The following SCN3A variants were observed in gnomAD, a reference collection of about 807,000 sequenced individuals.
SCN3A encodes the protein sodium voltage-gated channel alpha subunit 3.
In SCN3A, 60 loss-of-function variants were observed where a neutral mutation model predicts 187.6. The observed-to-expected ratio is 0.32, with a 90% CI of 0.26 to 0.40. The LOEUF (loss-of-function observed/expected upper bound fraction) is 0.40. SCN3A is among the 10% of genes least tolerant of loss of function. SCN3A has a pLI of 1.00. For synonymous variants in SCN3A, 788 were observed against 829.2 expected (o/e 0.95, Z 0.85); for missense variants, 1,601 against 2,428.2 (o/e 0.66, Z 7.16).
chr2:165,115,632 G>C, intron 18 of SCN3A, 57 bp from the exon 19 acceptor site: 1 of 1,539,786 alleles, frequency 6.5e-7, no homozygotes, highest in Non-Finnish European at 9.0e-7. Context: ...TTAACTAACT[G>C]GGAAATACTG....
Position 165,146,814 on chromosome 2 carries a change from G to C in SCN3A, c.1596C>G (p.Val532=), listed in dbSNP as rs1376724333. 6.2e-7 allele frequency: 1 copy of C among 1,614,024 alleles called. No homozygotes were observed. The highest frequency in any genetic ancestry group is 1.1e-5 in the South Asian group (1 of 91,078). ...SFPKSESEDS[V]KRSSFLFSMD... ...TGGAGAAAAGGAAGCTGCTTCTTTT[G>C]ACGCTGTCTTCAGATTCGGATTTGG... Residue 532 remains valine, a synonymous_variant, in exon 12 of 28, where the codon GTC becomes GTG. Coordinates refer to ENST00000283254, the MANE Select transcript of SCN3A (RefSeq NM_006922.4).
intron 21 of SCN3A, among the ~76,000 whole-genome samples, chr2:165,107,657 G>A (rs1334516202): frequency 6.6e-6 from 1 of 152,152 alleles, no homozygotes; most frequent in Non-Finnish European, 1.5e-5. Context: ...GGAACTCTTT[G>A]ACTAGTTCAG....
Position 165,177,208 on chromosome 2 carries a change from A to G in SCN3A, c.-50-764T>C, listed in dbSNP as rs1450227036. 3.9e-5 allele frequency among the ~76,000 whole-genome samples: 6 copies of G among 152,170 alleles called. No individual in the cohort carries two copies. In the East Asian group the frequency reaches 1.2e-3, roughly 29 times the overall value. On this transcript the variant is annotated intron_variant, in intron 2 of 27. Coordinates refer to ENST00000283254, the MANE Select transcript of SCN3A (RefSeq NM_006922.4). The stretch of plus-strand genomic sequence containing the variant: ...AATATGCTGCCCTTCAATTATTCCA[A>G]GACAATTTTGACGTTTTCCCTGAAT...
At chr2:165,107,680 A>G (rs1390555284) in intron 21 of SCN3A, among the ~76,000 whole-genome samples, 2 of 152,200 alleles carry the variant, frequency 1.3e-5, no homozygotes, top group African/African-American at 4.8e-5. Flanking sequence ...CAATATGCCA[A>G]ATAGATCTGT....
intron 1 of SCN3A, among the ~76,000 whole-genome samples, chr2:165,187,367 G>T (rs1486318518): frequency 6.6e-6 from 1 of 152,144 alleles, no homozygotes; most frequent in African/African-American, 2.4e-5. Flanking sequence ...ATAACCAACA[G>T]CAATGGCTTA....
chr2:165,143,699 T>C (rs935122252), intron 12 of SCN3A, among the ~76,000 whole-genome samples: 12 of 152,208 alleles, frequency 7.9e-5, no homozygotes, highest in Admixed American at 2.6e-4. Context: ...ACCTCAGGCA[T>C]GTCAAAACAT....
At chr2:165,139,794 A>C in intron 13 of SCN3A, 186 bp from the exon 14 acceptor site, 1 of 638,094 alleles carries the variant, frequency 1.6e-6, no homozygotes, top group Non-Finnish European at 2.7e-6. Flanking sequence ...CACAGGTAGT[A>C]CTCTTTAAGA....
intron 18 of SCN3A, among the ~76,000 whole-genome samples, chr2:165,126,617 T>TTC: frequency 7.5e-6 from 1 of 133,254 alleles, no homozygotes; most frequent in South Asian, 3.0e-4. Flanking sequence ...CCTTCCTTCA[T>TTC]TCCTTCCGTC....
chr2:165,163,916 C>G, intron 6 of SCN3A: 3 of 1,608,146 alleles, frequency 1.9e-6, no homozygotes, highest in Non-Finnish European at 2.6e-6. Context: ...ATCAGAGTTA[C>G]TGATAGTTTT....
At chr2:165,190,338 A>G (rs1321236860) in intron 1 of SCN3A, among the ~76,000 whole-genome samples, 4 of 152,048 alleles carry the variant, frequency 2.6e-5, no homozygotes, top group African/African-American at 7.2e-5. Context: ...TTTGTGTTGT[A>G]TAAAATTCAT....
chr2:165,130,347 G>A (rs1687237185), intron 16 of SCN3A, 51 bp from the exon 17 acceptor site: 5 of 1,576,568 alleles, frequency 3.2e-6, no homozygotes, highest in Non-Finnish European at 4.4e-6. Flanking sequence ...TATAATTTTA[G>A]ACATTATTTT....
chr2:165,139,791 AG>A (rs923292577), intron 13 of SCN3A, 183 bp from the exon 14 acceptor site: 2 of 651,464 alleles, frequency 3.1e-6, no homozygotes, highest in Non-Finnish European at 5.2e-6. Flanking sequence ...TATCACAGGT[AG>A]TACTCTTTAA....
At chr2:165,189,672 C>T (rs1691470010) in intron 1 of SCN3A, among the ~76,000 whole-genome samples, 1 of 152,082 alleles carries the variant, frequency 6.6e-6, no homozygotes, top group Non-Finnish European at 1.5e-5. Flanking sequence ...ATTGAATATT[C>T]TAGAGGCAAG....
At chr2:165,113,586 G>A (rs1209460593) in intron 20 of SCN3A, among the ~76,000 whole-genome samples, 2 of 152,200 alleles carry the variant, frequency 1.3e-5, no homozygotes, top group Non-Finnish European at 2.9e-5. Flanking sequence ...TTGTCTCAGT[G>A]AGGAAAACAT....
intron 1 of SCN3A, among the ~76,000 whole-genome samples, chr2:165,190,251 A>G (rs1691503994): frequency 6.6e-6 from 1 of 152,198 alleles, no homozygotes; most frequent in Admixed American, 6.5e-5. Context: ...GGGGAGCTCC[A>G]GAGATTCTCC....
intron 5 of SCN3A, among the ~76,000 whole-genome samples, chr2:165,167,304 G>A (rs1228234203): frequency 6.6e-6 from 1 of 152,078 alleles, no homozygotes; most frequent in Admixed American, 6.6e-5. Flanking sequence ...AAGTTAAATG[G>A]CTTTCCTCAA....
At chr2:165,096,768 A>G (rs933978324) in intron 23 of SCN3A, among the ~76,000 whole-genome samples, 1 of 152,156 alleles carries the variant, frequency 6.6e-6, no homozygotes, top group Non-Finnish European at 1.5e-5. Flanking sequence ...GACTTTATTC[A>G]TGAAACTGCC....
chr2:165,184,099 T>C (rs1691069816), intron 2 of SCN3A, among the ~76,000 whole-genome samples: 1 of 152,158 alleles, frequency 6.6e-6, no homozygotes, highest in African/African-American at 2.4e-5. Context: ...GATTGTCTGT[T>C]ATTTACCATA....
chr2:165,122,239 C>CTTTTTTTTTTTTTTTTTCT (rs1286913407), intron 18 of SCN3A, among the ~76,000 whole-genome samples: 1 of 128,916 alleles, frequency 7.8e-6, no homozygotes, highest in Non-Finnish European at 1.6e-5. Context: ...TCTTTTTTTT[C>CTTTTTTTTTTTTTTTTTCT]TTTTTTTTTT....
Sources: allele counts gnomAD v4.1 joint callset (sites outside exome capture counted in the v4.1 genomes callset), GRCh38; gene constraint gnomAD v4.1.1; transcripts MANE v1.5; gene names NCBI Gene and HGNC (gene_info 2026-07-23, HGNC 2026-07-21).